Variants in DLG2 observed in about 807,000 individuals in gnomAD.
The protein encoded by DLG2 is disks large homolog 2.
In DLG2, 45 loss-of-function variants were observed where a neutral mutation model predicts 132.5. The observed-to-expected ratio is 0.34, with a 90% CI of 0.27 to 0.44. DLG2 has a LOEUF of 0.44. Ranked by LOEUF, DLG2 falls within the 20% of genes least tolerant of loss-of-function variation. The probability of loss-of-function intolerance (pLI) is 1.00; values close to 1 mark genes in which losing one functional copy is unlikely to be tolerated. For synonymous variants in DLG2, 424 were observed against 419.6 expected (o/e 1.01, Z -0.13); for missense variants, 1,045 against 1,196.9 (o/e 0.87, Z 1.87).
At chr11:84,933,694 T>C (rs2048355007) in intron 6 of DLG2, among the ~76,000 whole-genome samples, 1 of 152,206 alleles carries the variant, frequency 6.6e-6, no homozygotes, top group Non-Finnish European at 1.5e-5. Flanking sequence ...ATGCCAGTGA[T>C]TTTTGCACAT....
At chr11:84,696,639 G>C (rs1354385401) in intron 6 of DLG2, among the ~76,000 whole-genome samples, 1 of 151,486 alleles carries the variant, frequency 6.6e-6, no homozygotes, top group Non-Finnish European at 1.5e-5. Context: ...AAACAAGACA[G>C]ACTGTCACTT....
intron 3 of DLG2, among the ~76,000 whole-genome samples, chr11:85,390,754 CA>C (rs1243932328): frequency 4.6e-5 from 7 of 151,924 alleles, no homozygotes; most frequent in Admixed American, 3.9e-4. Flanking sequence ...ATAAGAGTAT[CA>C]AAACCTATCA....
At position 85,533,111 on chromosome 11, in the gene DLG2, C is replaced by G. The variant is rs183997177; in HGVS notation, c.40+65546G>C. Among the ~76,000 whole-genome samples the G allele has an allele frequency of 5.6e-4, 85 of 152,244 alleles. 1 individual carries two copies. Among genetic ancestry groups the G allele is most frequent in the South Asian group, 3.1e-3 (15 of 4,818 alleles). ...TGATCTCAGCTCACTGCAACCTCCC[C>G]CTCCCGGGTTCAAGCAATTCCCCTG... On this transcript the variant is annotated intron_variant, in intron 3 of 27. Coordinates refer to ENST00000376104, the MANE Select transcript of DLG2 (RefSeq NM_001142699.3).
intron 18 of DLG2, among the ~76,000 whole-genome samples, chr11:83,690,555 T>C (rs995213944): frequency 6.6e-6 from 1 of 152,050 alleles, no homozygotes; most frequent in Non-Finnish European, 1.5e-5. Context: ...AACCACTTGC[T>C]GAACACTTAT....
chr11:84,519,408 C>T (rs1468185386), intron 7 of DLG2, among the ~76,000 whole-genome samples: 3 of 152,102 alleles, frequency 2.0e-5, no homozygotes, highest in East Asian at 1.9e-4. Flanking sequence ...ACAGTTAAAA[C>T]CCAAATTCAA....
chr11:84,422,920 T>C (rs1364186702), intron 7 of DLG2, among the ~76,000 whole-genome samples: 1 of 152,202 alleles, frequency 6.6e-6, no homozygotes, highest in Non-Finnish European at 1.5e-5. Flanking sequence ...ATCATGACTC[T>C]AGACCTACCC....
chr11:85,316,622 T>A (rs2080695331), intron 3 of DLG2, among the ~76,000 whole-genome samples: 2 of 151,942 alleles, frequency 1.3e-5, no homozygotes, highest in African/African-American at 4.8e-5. Flanking sequence ...GCCTCTCATG[T>A]ACAAAAGCTA....
At chr11:83,575,798 T>G (rs1258494033) in intron 19 of DLG2, among the ~76,000 whole-genome samples, 3 of 152,114 alleles carry the variant, frequency 2.0e-5, no homozygotes, top group Non-Finnish European at 4.4e-5. Flanking sequence ...AAAGATCAGT[T>G]CCATGATACA....
intron 6 of DLG2, among the ~76,000 whole-genome samples, chr11:84,852,878 A>G (rs892225778): frequency 6.6e-6 from 1 of 151,998 alleles, no homozygotes; most frequent in Admixed American, 6.6e-5. Context: ...AAAATAAAAT[A>G]AAAAAGTTGC....
chr11:84,003,216 G>A (rs144332396), intron 11 of DLG2, among the ~76,000 whole-genome samples: 2,794 of 152,184 alleles, frequency 0.018, 81 homozygotes, highest in South Asian at 0.062. Context: ...ATCACTATCA[G>A]CATTTTGGTC....
chr11:85,123,179 G>A lies in DLG2; in HGVS notation c.283-11444C>T, dbSNP rs191789870. Among the ~76,000 whole-genome samples the A allele has an allele frequency of 1.2e-4, 18 of 151,028 alleles. No individual in the cohort carries two copies. The East Asian group carries it at 3.3e-3, about 28-fold the overall frequency. ...TTTTTAGTGAAAACGGGGTTTCACC[G>A]TGTTAGCAAGGATGGTCTCGATTTC... On this transcript the variant is annotated intron_variant, in intron 5 of 27. Coordinates refer to ENST00000376104, the MANE Select transcript of DLG2 (RefSeq NM_001142699.3).
At chr11:84,909,980 G>A (rs1336393722) in intron 6 of DLG2, among the ~76,000 whole-genome samples, 2 of 152,156 alleles carry the variant, frequency 1.3e-5, no homozygotes, top group Non-Finnish European at 2.9e-5. Context: ...CCTGAAGGAG[G>A]GGATAATGAG....
At chr11:84,175,974 G>A (rs2095952312) in intron 8 of DLG2, among the ~76,000 whole-genome samples, 1 of 152,008 alleles carries the variant, frequency 6.6e-6, no homozygotes, top group Non-Finnish European at 1.5e-5. Context: ...AAGGTTTAAA[G>A]TTGTTTATAT....
intron 9 of DLG2, among the ~76,000 whole-genome samples, chr11:84,153,327 C>T (rs1028647955): frequency 1.3e-5 from 2 of 152,008 alleles, no homozygotes; most frequent in South Asian, 2.1e-4. Flanking sequence ...TGGGGTTGGT[C>T]ATCTTGTATA....
At chr11:84,132,736 G>A (rs1595874872) in intron 9 of DLG2, among the ~76,000 whole-genome samples, 3 of 152,108 alleles carry the variant, frequency 2.0e-5, no homozygotes, top group Admixed American at 2.0e-4. Flanking sequence ...AGTACTAAGT[G>A]AGAGAACAAT....
chr11:85,398,523 G>C (rs2152958480), intron 3 of DLG2, among the ~76,000 whole-genome samples: 1 of 152,178 alleles, frequency 6.6e-6, no homozygotes, highest in East Asian at 1.9e-4. Context: ...AAAATTGATA[G>C]ACCACTAGCA....
chr11:85,525,825 A>T (rs2074698875), intron 3 of DLG2, among the ~76,000 whole-genome samples: 1 of 152,184 alleles, frequency 6.6e-6, no homozygotes, highest in Admixed American at 6.5e-5. Context: ...GAATCTGCAG[A>T]GATCAAGGCA....
rs564683399 is a variant in DLG2 at position 85,319,101 on chromosome 11, G to T, written c.41-33736C>A. 4.0e-5 allele frequency among the ~76,000 whole-genome samples: 6 copies of T among 151,794 alleles called. No homozygotes were observed. The South Asian group carries it at 1.2e-3, about 32-fold the overall frequency. ...AATGACTCTATCTGTAACTTCTCTG[G>T]TTCTTTTTATACATCCCTACTTCAG... On this transcript the variant is annotated intron_variant, in intron 3 of 27. Coordinates refer to ENST00000376104, the MANE Select transcript of DLG2 (RefSeq NM_001142699.3).
At chr11:83,471,783 A>G in intron 23 of DLG2, 56 bp from the exon 24 acceptor site, 1 of 1,412,272 alleles carries the variant, frequency 7.1e-7, no homozygotes, top group South Asian at 1.2e-5. Flanking sequence ...AACAACTGCA[A>G]AACTGTCCTG....
Sources: allele counts gnomAD v4.1 joint callset (sites outside exome capture counted in the v4.1 genomes callset), GRCh38; gene constraint gnomAD v4.1.1; transcripts MANE v1.5; gene names NCBI Gene and HGNC (gene_info 2026-07-23, HGNC 2026-07-21).